Variants in TCF4 observed in about 807,000 individuals in gnomAD.
TCF4 encodes the protein transcription factor 4.
A neutral mutation model predicts 82.1 loss-of-function variants in TCF4; 3 were observed. The ratio of observed to expected loss-of-function variants is 0.04; its 90% confidence interval spans 0.02 to 0.09. The LOEUF is 0.09. Among genes scored for constraint, TCF4 ranks in the 10% least tolerant of loss-of-function variants. The pLI is 1.00. For synonymous variants in TCF4, 276 were observed against 309.6 expected, an observed-to-expected ratio of 0.89 and a Z score of 1.14; for missense variants, 518 against 852.7, an observed-to-expected ratio of 0.61 and a Z score of 4.89.
chr18:55,579,726 C>A (rs1010454905), intron 3 of TCF4, among the ~76,000 whole-genome samples: 6 of 151,998 alleles, frequency 3.9e-5, no homozygotes, highest in Non-Finnish European at 8.8e-5. Flanking sequence ...GGCCTGGGGC[C>A]ACCAGGACTC....
At position 55,616,507 on chromosome 18, in the gene TCF4, G is replaced by GT. The variant is rs149218914; in HGVS notation, c.286+14790dup. 2.4e-3 allele frequency among the ~76,000 whole-genome samples: 366 copies of GT among 152,114 alleles called. 3 individuals are homozygous for GT. Among genetic ancestry groups the GT allele is most frequent in the African/African-American group, 8.5e-3 (351 of 41,536 alleles). On this transcript the variant is annotated intron_variant, in intron 2 of 20. Coordinates refer to the TCF4 transcript ENST00000398339. ...AAGTGGGATTACTGGATCATATGGT[G>GT]TTTCTATTTTTAATTCTTTAAGGAG... is the stretch of plus-strand genomic sequence containing the variant.
chr18:55,421,464 C>T (rs534676811), intron 5 of TCF4, among the ~76,000 whole-genome samples: 5 of 152,284 alleles, frequency 3.3e-5, no homozygotes, highest in African/African-American at 7.2e-5. Context: ...CTTAACAAGG[C>T]GTATTATAAT....
chr18:55,470,056 A>T (rs185689681), intron 3 of TCF4, among the ~76,000 whole-genome samples: 2 of 152,326 alleles, frequency 1.3e-5, no homozygotes, highest in East Asian at 3.9e-4. Flanking sequence ...TCTTGAGTCA[A>T]GGAGAACAGA....
intron 6 of TCF4, among the ~76,000 whole-genome samples, chr18:55,367,255 T>C (rs2087446226): frequency 6.6e-6 from 1 of 152,248 alleles, no homozygotes; most frequent in Non-Finnish European, 1.5e-5. Context: ...TGCGAGTGTG[T>C]GTATGTGTAA....
At chr18:55,453,317 C>T (rs1432517184) in intron 5 of TCF4, among the ~76,000 whole-genome samples, 1 of 152,198 alleles carries the variant, frequency 6.6e-6, no homozygotes, top group Non-Finnish European at 1.5e-5. Context: ...AGCTGCAAAC[C>T]ACTTCCAGCA....
chr18:55,627,566 C>G (rs1209733787), intron 2 of TCF4, among the ~76,000 whole-genome samples: 6 of 150,498 alleles, frequency 4.0e-5, no homozygotes, highest in Middle Eastern at 7.3e-3. Context: ...GAGTTCGAGA[C>G]CAGCCTGCCC....
At chr18:55,596,765 G>A (rs531278724) in intron 2 of TCF4, among the ~76,000 whole-genome samples, 1 of 152,202 alleles carries the variant, frequency 6.6e-6, no homozygotes, top group East Asian at 1.9e-4. Context: ...GAGTATTGCT[G>A]ATTTACAAAA....
chr18:55,364,956 G>C (rs1258798291), intron 6 of TCF4, among the ~76,000 whole-genome samples: 2 of 151,374 alleles, frequency 1.3e-5, no homozygotes, highest in Non-Finnish European at 2.9e-5. Context: ...TCAGGAGATC[G>C]AGACCATCCT....
intron 3 of TCF4, among the ~76,000 whole-genome samples, chr18:55,544,720 A>G (rs1315112125): frequency 1.3e-5 from 2 of 152,208 alleles, no homozygotes; most frequent in Non-Finnish European, 2.9e-5. Context: ...CAGTAGCTGA[A>G]TTCTTATGAT....
chr18:55,384,741 G>A (rs2092424351), intron 6 of TCF4, among the ~76,000 whole-genome samples: 1 of 151,234 alleles, frequency 6.6e-6, no homozygotes, highest in African/African-American at 2.5e-5. Flanking sequence ...AGCCACCAGG[G>A]GGCACTTTGG....
intron 15 of TCF4, among the ~76,000 whole-genome samples, chr18:55,253,381 G>T (rs1374789802): frequency 1.3e-5 from 2 of 152,094 alleles, no homozygotes; most frequent in African/African-American, 4.8e-5. Context: ...GCCTGTAAGG[G>T]GCAAAATAGG....
intron 8 of TCF4, among the ~76,000 whole-genome samples, chr18:55,281,370 A>G (rs1009750303): frequency 6.6e-6 from 1 of 152,174 alleles, no homozygotes; most frequent in South Asian, 2.1e-4. Flanking sequence ...AAGATGAAAG[A>G]AACATCACAG....
In TCF4 at chr18:55,461,123, T is replaced by C. The variant is rs184943897; in HGVS notation, c.208-8A>G. The C allele has an allele frequency of 2.0e-4, 325 of 1,605,510 alleles. 1 individual carries two copies. In the East Asian group the frequency reaches 6.0e-3, roughly 30 times the overall value. On this transcript the variant is annotated splice_polypyrimidine_tract_variant and splice_region_variant and intron_variant, in intron 4 of 19. Transcript: ENST00000354452. ...AGTCCCATCTCCATAGTTCTGTAAATAAAATGACAGTGTAAGTTATTATTT... is the reference window on the plus strand; with the variant it reads ...AGTCCCATCTCCATAGTTCTGTAAACAAAATGACAGTGTAAGTTATTATTT...
At position 55,528,761 on chromosome 18, in the gene TCF4, G is replaced by T. The variant is rs541104853; in HGVS notation, c.145+56519C>A. On this transcript the variant is annotated intron_variant, in intron 3 of 19. Coordinates refer to ENST00000354452, the MANE Select transcript of TCF4 (RefSeq NM_001083962.2). ...TATTGACTATTTGAAATTCCAAAAAGAATCTGAATGAGTAATATGGGTTGT... is the reference window on the plus strand; with the variant it reads ...TATTGACTATTTGAAATTCCAAAAATAATCTGAATGAGTAATATGGGTTGT... Among the ~76,000 whole-genome samples, 12 of 152,234 alleles carry T rather than the reference G, an allele frequency of 7.9e-5. No individual in the cohort carries two copies. The East Asian group carries it at 1.9e-3, about 24-fold the overall frequency.
intron 6 of TCF4, among the ~76,000 whole-genome samples, chr18:55,362,230 C>T (rs1207718506): frequency 6.6e-6 from 1 of 151,670 alleles, no homozygotes; most frequent in Non-Finnish European, 1.5e-5. Context: ...ATCACTTGAG[C>T]CCAAGAGTTC....
intron 3 of TCF4, among the ~76,000 whole-genome samples, chr18:55,479,665 G>C (rs8090422): frequency 0.061 from 9,298 of 152,120 alleles, 612 homozygotes; most frequent in African/African-American, 0.16. Context: ...TGAACTCCAA[G>C]GTCCTAGGGG....
At chr18:55,436,196 A>G (rs1299485179) in intron 5 of TCF4, among the ~76,000 whole-genome samples, 1 of 152,246 alleles carries the variant, frequency 6.6e-6, no homozygotes, top group Non-Finnish European at 1.5e-5. Context: ...ATAGTGAGAT[A>G]TGCCTTCAAA....
chr18:55,236,482 C>T (rs2049448720), intron 15 of TCF4, among the ~76,000 whole-genome samples: 1 of 151,634 alleles, frequency 6.6e-6, no homozygotes. Context: ...ATATTCAACC[C>T]TGTTGCCTGC....
chr18:55,511,910 T>TG (rs2096832519), intron 3 of TCF4, among the ~76,000 whole-genome samples: 1 of 152,026 alleles, frequency 6.6e-6, no homozygotes, highest in Non-Finnish European at 1.5e-5. Context: ...AATTAATCAT[T>TG]GCTGCAAAGC....
Sources: allele counts gnomAD v4.1 joint callset (sites outside exome capture counted in the v4.1 genomes callset), GRCh38; gene constraint gnomAD v4.1.1; transcripts MANE v1.5; gene names NCBI Gene and HGNC (gene_info 2026-07-23, HGNC 2026-07-21).